RSRC1: variants seen among roughly 807,000 people sequenced by gnomAD.
The protein encoded by RSRC1 is arginine and serine rich coiled-coil 1.
A neutral mutation model predicts 49.1 loss-of-function variants in RSRC1; 39 were observed. The observed-to-expected ratio is 0.79, with a 90% CI of 0.61 to 1.04. The LOEUF is 1.04. Ranked by LOEUF, RSRC1 falls within the 50% of genes least tolerant of loss-of-function variation. RSRC1 has a pLI of 0.00. For missense variants in RSRC1, 388 were observed against 402.4 expected, an observed-to-expected ratio of 0.96 and a Z score of 0.31; for synonymous variants, 143 against 130.8, an observed-to-expected ratio of 1.09 and a Z score of -0.63.
In RSRC1 at chr3:158,456,309, G is replaced by GTTT. The variant is rs74491157; in HGVS notation, c.584-4613_584-4611dup. ...GAAAGAGGGTGAGGATTACGTGAGG[G>GTTT]TTTTTTTTTTTTTTTAATAGGCCAG... On this transcript the variant is annotated intron_variant, in intron 6 of 9. Transcript: ENST00000611884. Among the ~76,000 whole-genome samples, 310 of 140,636 alleles carry GTTT rather than the reference G, an allele frequency of 2.2e-3. 1 individual carries two copies. Among genetic ancestry groups the GTTT allele is most frequent in the African/African-American group, 7.8e-3 (297 of 38,278 alleles). The allele number at this position is 140,636 out of a possible 152,430, so 92.3% of individuals were successfully genotyped here.
intron 3 of RSRC1, among the ~76,000 whole-genome samples, chr3:158,202,570 A>ATATATATATATATATATATATATG (rs1559941235): frequency 2.2e-5 from 3 of 139,200 alleles, no homozygotes; most frequent in Admixed American, 7.0e-5. Flanking sequence ...GATTATATAT[A>ATATATATATATATATATATATATG]TATATATATA....
intron 6 of RSRC1, among the ~76,000 whole-genome samples, chr3:158,370,574 T>C (rs2108265878): frequency 6.6e-6 from 1 of 152,054 alleles, no homozygotes; most frequent in East Asian, 1.9e-4. Flanking sequence ...GTTCGTGTCG[T>C]TGTGAGCATT....
intron 3 of RSRC1, among the ~76,000 whole-genome samples, chr3:158,183,149 G>A (rs1390161577): frequency 1.3e-5 from 2 of 152,046 alleles, no homozygotes; most frequent in Non-Finnish European, 2.9e-5. Context: ...TCCAGATAAA[G>A]GTAAGAAAAT....
At chr3:158,256,847 T>C (rs866659917) in intron 4 of RSRC1, among the ~76,000 whole-genome samples, 3 of 152,154 alleles carry the variant, frequency 2.0e-5, no homozygotes, top group Non-Finnish European at 4.4e-5. Flanking sequence ...GATTTTATAG[T>C]TTATTTGTGT....
intron 6 of RSRC1, among the ~76,000 whole-genome samples, chr3:158,424,893 G>T: frequency 6.6e-6 from 1 of 151,794 alleles, no homozygotes; most frequent in Non-Finnish European, 1.5e-5. Flanking sequence ...TTCTCTGATG[G>T]TAGTTTGTAT....
chr3:158,541,806 T>C (rs1010735104), intron 8 of RSRC1, among the ~76,000 whole-genome samples: 1 of 152,194 alleles, frequency 6.6e-6, no homozygotes, highest in Non-Finnish European at 1.5e-5. Context: ...ATTATCCCTG[T>C]AACCTTACTG....
intron 6 of RSRC1, among the ~76,000 whole-genome samples, chr3:158,412,239 A>G (rs975985857): frequency 1.3e-5 from 2 of 152,164 alleles, no homozygotes; most frequent in African/African-American, 4.8e-5. Flanking sequence ...AGAAGGAGAA[A>G]ACTAGAGGAA....
chr3:158,526,482 TC>T (rs1378318548), intron 7 of RSRC1, among the ~76,000 whole-genome samples: 2 of 151,984 alleles, frequency 1.3e-5, no homozygotes, highest in Non-Finnish European at 2.9e-5. Context: ...AAATCCCTGT[TC>T]CTACCCACTG....
intron 6 of RSRC1, among the ~76,000 whole-genome samples, chr3:158,375,908 C>A (rs1732330883): frequency 6.6e-6 from 1 of 152,136 alleles, no homozygotes; most frequent in African/African-American, 2.4e-5. Flanking sequence ...CTTTTAGGCA[C>A]CAGGGACCAG....
intron 7 of RSRC1, among the ~76,000 whole-genome samples, chr3:158,487,946 C>CAAAAAAAAAAAA (rs1303656428): frequency 0.086 from 978 of 11,426 alleles, 59 homozygotes; most frequent in Non-Finnish European, 0.099. Flanking sequence ...GACTCCATCT[C>CAAAAAAAAAAAA]AAGAAAAAAA....
chr3:158,388,674 A>T (rs1733097837), intron 6 of RSRC1, among the ~76,000 whole-genome samples: 1 of 149,466 alleles, frequency 6.7e-6, no homozygotes, highest in Admixed American at 6.7e-5. Context: ...CAGTGGCGAG[A>T]TCTCAGCTCA....
At chr3:158,450,604 G>A (rs960753888) in intron 6 of RSRC1, among the ~76,000 whole-genome samples, 1 of 151,798 alleles carries the variant, frequency 6.6e-6, no homozygotes, top group Non-Finnish European at 1.5e-5. Flanking sequence ...TGAGGCAGAG[G>A]TACCTGAGGA....
chr3:158,438,008 T>C (rs536531433), intron 6 of RSRC1, among the ~76,000 whole-genome samples: 2 of 152,242 alleles, frequency 1.3e-5, no homozygotes, highest in East Asian at 1.9e-4. Context: ...ATCACAAGCA[T>C]TCCTATACAC....
chr3:158,177,124 T>C (rs1719270558), intron 3 of RSRC1, among the ~76,000 whole-genome samples: 1 of 152,150 alleles, frequency 6.6e-6, no homozygotes, highest in South Asian at 2.1e-4. Flanking sequence ...ATGTCCATCA[T>C]TAAAAAGTCA....
intron 3 of RSRC1, among the ~76,000 whole-genome samples, chr3:158,180,581 C>G (rs1719539676): frequency 6.6e-6 from 1 of 151,174 alleles, no homozygotes; most frequent in Admixed American, 6.6e-5. Context: ...TCCAGCCTCA[C>G]TCTCCCGAGT....
chr3:158,503,033 T>C (rs1364400325), intron 7 of RSRC1, among the ~76,000 whole-genome samples: 1 of 152,050 alleles, frequency 6.6e-6, no homozygotes, highest in Non-Finnish European at 1.5e-5. Context: ...AGAGGGAAGG[T>C]CTAGGGCTGA....
At chr3:158,265,654 A>G (rs1725131659) in intron 4 of RSRC1, among the ~76,000 whole-genome samples, 1 of 152,128 alleles carries the variant, frequency 6.6e-6, no homozygotes, top group African/African-American at 2.4e-5. Flanking sequence ...TTTTACTCCA[A>G]TCTTAAATAT....
At chr3:158,408,030 G>A (rs1242711598) in intron 6 of RSRC1, among the ~76,000 whole-genome samples, 2 of 152,074 alleles carry the variant, frequency 1.3e-5, no homozygotes, top group Admixed American at 6.6e-5. Context: ...TCTCTGGGTC[G>A]TAGCTTTCTT....
chr3:158,478,560 G>A (rs558303005), intron 7 of RSRC1, among the ~76,000 whole-genome samples: 35 of 151,838 alleles, frequency 2.3e-4, no homozygotes, highest in African/African-American at 8.2e-4. Flanking sequence ...TCCATCTTTA[G>A]TATCAGTGTA....
Sources: gnomAD v4.1 joint callset for allele counts (sites outside exome capture counted in the v4.1 genomes callset) on GRCh38, gnomAD v4.1.1 for gene constraint, MANE v1.5 for transcripts, NCBI Gene and HGNC (gene_info 2026-07-23, HGNC 2026-07-21) for gene names.